The following TENT5D variants were observed in gnomAD, a reference collection of about 807,000 sequenced individuals.
The protein encoded by TENT5D is cancer/testis antigen 112.
For synonymous variants in TENT5D, 103 were observed against 100.6 expected (o/e 1.02, Z -0.15); for missense variants, 191 against 287.0 (o/e 0.67, Z 2.42).
intron 1 of TENT5D, among the ~76,000 whole-genome samples, chrX:80,422,204 G>T (rs1931900478): frequency 9.0e-6 from 1 of 111,007 alleles, no homozygotes; most frequent in Non-Finnish European, 1.9e-5. Flanking sequence ...GCTGGGTGCA[G>T]TGGCTCATGC....
At chrX:80,422,232 T>TG (rs202034879) in intron 1 of TENT5D, among the ~76,000 whole-genome samples, 1,392 of 110,801 alleles carry the variant, frequency 0.013, 26 homozygotes, top group African/African-American at 0.043. Flanking sequence ...CCCAGCACTT[T>TG]GGGGGGCTGA....
At chrX:80,411,601 C>G (rs1479516372) in intron 3 of TENT5D, among the ~76,000 whole-genome samples, 1 of 111,305 alleles carries the variant, frequency 9.0e-6, no homozygotes, top group Non-Finnish European at 1.9e-5. Context: ...TTTAAAATAA[C>G]TTTTAAATAA....
chrX:80,419,842 C>T (rs186233173), upstream of TENT5D, among the ~76,000 whole-genome samples: 13 of 111,479 alleles, frequency 1.2e-4, no homozygotes, highest in Middle Eastern at 9.2e-3. Flanking sequence ...TCCTGAGTAG[C>T]TGGAATGACA....
At chrX:80,403,049 G>A (rs763856466) in intron 3 of TENT5D, among the ~76,000 whole-genome samples, 2 of 111,752 alleles carry the variant, frequency 1.8e-5, no homozygotes, top group South Asian at 3.7e-4. Flanking sequence ...TATTTATAAC[G>A]TCCCTATGAT....
intron 3 of TENT5D, among the ~76,000 whole-genome samples, chrX:80,381,817 T>G (rs1177434881): frequency 1.1e-4 from 12 of 111,979 alleles, no homozygotes; most frequent in Non-Finnish European, 5.6e-5. Flanking sequence ...ATCAGGTCAT[T>G]TAAGGTCTTC....
chrX:80,410,865 C>G (rs1391442315), intron 3 of TENT5D, among the ~76,000 whole-genome samples: 14 of 106,262 alleles, frequency 1.3e-4, no homozygotes, highest in East Asian at 1.2e-3. Context: ...CAATGATAGA[C>G]TGGATTAAGA....
chrX:80,432,011 T>C (rs1022812148), intron 1 of TENT5D, among the ~76,000 whole-genome samples: 13 of 110,709 alleles, frequency 1.2e-4, no homozygotes, highest in Admixed American at 2.9e-4. Flanking sequence ...ATTCAGATCT[T>C]GGAATCCCCC....
intron 3 of TENT5D, among the ~76,000 whole-genome samples, chrX:80,404,349 T>TA (rs1294086869): frequency 1.8e-5 from 2 of 111,731 alleles, no homozygotes; most frequent in Non-Finnish European, 3.8e-5. Context: ...CAAAATCTTG[T>TA]AAAAAATCTA....
intron 3 of TENT5D, among the ~76,000 whole-genome samples, chrX:80,414,571 G>A (rs1931731326): frequency 8.9e-6 from 1 of 112,271 alleles, no homozygotes; most frequent in Admixed American, 9.4e-5. Flanking sequence ...GTCAGTATGT[G>A]TAAGACTTAC....
intron 3 of TENT5D, among the ~76,000 whole-genome samples, chrX:80,387,177 G>T (rs1931032370): frequency 8.9e-6 from 1 of 112,094 alleles, no homozygotes; most frequent in South Asian, 3.7e-4. Flanking sequence ...CAATGTCAAA[G>T]ATTGCAGCCA....
At chrX:80,398,554 T>G (rs1023077753) in intron 3 of TENT5D, among the ~76,000 whole-genome samples, 1 of 108,376 alleles carries the variant, frequency 9.2e-6, no homozygotes, top group Non-Finnish European at 1.9e-5. Flanking sequence ...TACATTTATG[T>G]TTTTTTTTTC....
intron 3 of TENT5D, among the ~76,000 whole-genome samples, chrX:80,406,124 A>C (rs1036840577): frequency 1.8e-5 from 2 of 111,209 alleles, no homozygotes; most frequent in Admixed American, 1.9e-4. Flanking sequence ...AAAGACCAAA[A>C]GTAGATAAAA....
At chrX:80,336,463 T>A (rs1050640081) in intron 2 of TENT5D, among the ~76,000 whole-genome samples, 3 of 110,341 alleles carry the variant, frequency 2.7e-5, no homozygotes, top group Non-Finnish European at 3.8e-5. Context: ...TTATTTTTGA[T>A]GTCCCTATAT....
At chrX:80,412,123 A>G (rs1342864192) in intron 3 of TENT5D, among the ~76,000 whole-genome samples, 1 of 112,848 alleles carries the variant, frequency 8.9e-6, no homozygotes, top group Non-Finnish European at 1.9e-5. Flanking sequence ...TCAATGCCAC[A>G]TGGAAGCTGC....
At chrX:80,439,120 A>G (rs1932234345) in intron 2 of TENT5D, among the ~76,000 whole-genome samples, 1 of 111,759 alleles carries the variant, frequency 8.9e-6, no homozygotes, top group African/African-American at 3.2e-5. Context: ...ATATTCTGCA[A>G]TGTGAACTAC....
intron 2 of TENT5D, among the ~76,000 whole-genome samples, chrX:80,338,945 C>T (rs1052058503): frequency 1.8e-5 from 2 of 111,816 alleles, no homozygotes; most frequent in Non-Finnish European, 3.8e-5. Flanking sequence ...CATAAAATAG[C>T]TTAACTGGGC....
chrX:80,349,938 A>G (rs1930142999), intron 3 of TENT5D, among the ~76,000 whole-genome samples: 1 of 111,400 alleles, frequency 9.0e-6, no homozygotes, highest in African/African-American at 3.3e-5. Flanking sequence ...CAGGTTGTTC[A>G]GTTTCCATGT....
intron 3 of TENT5D, among the ~76,000 whole-genome samples, chrX:80,403,001 G>T (rs184750459): frequency 9.0e-6 from 1 of 111,704 alleles, no homozygotes; most frequent in Non-Finnish European, 1.9e-5. Flanking sequence ...TACTATTATT[G>T]CATTGCAATC....
intron 3 of TENT5D, among the ~76,000 whole-genome samples, chrX:80,345,506 G>T (rs970310857): frequency 4.5e-5 from 5 of 111,260 alleles, no homozygotes; most frequent in Non-Finnish European, 7.5e-5. Context: ...TTGGAGGTGA[G>T]AAGTTGCAAC....
Sources: gnomAD v4.1 joint callset for allele counts (sites outside exome capture counted in the v4.1 genomes callset) on GRCh38, gnomAD v4.1.1 for gene constraint, MANE v1.5 for transcripts, NCBI Gene and HGNC (gene_info 2026-07-23, HGNC 2026-07-21) for gene names.